The following ANKIB1 variants were observed in gnomAD, a reference collection of about 807,000 sequenced individuals.
ANKIB1 encodes the protein ankyrin repeat and IBR domain containing 1, also known as ankyrin repeat and IBR domain-containing protein 1.
A neutral mutation model predicts 122.1 loss-of-function variants in ANKIB1; 43 were observed. That is an observed-to-expected ratio of 0.35 (90% CI 0.28 to 0.45). The LOEUF (loss-of-function observed/expected upper bound fraction) is 0.45, where lower values mean the gene tolerates loss of function less well. ANKIB1 is among the 20% of genes least tolerant of loss of function. ANKIB1 has a pLI of 1.00. For synonymous variants in ANKIB1, 390 were observed against 442.0 expected (o/e 0.88, Z 1.48); for missense variants, 992 against 1,329.5 (o/e 0.75, Z 3.95).
At chr7:92,387,681 G>A (rs536201324) in intron 12 of ANKIB1, 117 bp from the exon 13 acceptor site, 42 of 660,828 alleles carry the variant, frequency 6.4e-5, no homozygotes, top group African/African-American at 5.8e-4. Context: ...AAAATAATTC[G>A]CAAATCTGAA....
chr7:92,303,534 C>T (rs1431604817), intron 2 of ANKIB1, among the ~76,000 whole-genome samples: 7 of 152,052 alleles, frequency 4.6e-5, no homozygotes, highest in Admixed American at 4.6e-4. Context: ...GATGGACTCT[C>T]TGAAAGAAGA....
At chr7:92,326,225 G>A (rs1476030560) in intron 4 of ANKIB1, among the ~76,000 whole-genome samples, 1 of 152,126 alleles carries the variant, frequency 6.6e-6, no homozygotes, top group Non-Finnish European at 1.5e-5. Context: ...TAAAAAACTG[G>A]ATCTATGCAG....
At chr7:92,276,097 G>A (rs1160203476) in intron 1 of ANKIB1, among the ~76,000 whole-genome samples, 2 of 152,094 alleles carry the variant, frequency 1.3e-5, no homozygotes, top group African/African-American at 4.8e-5. Context: ...CTTGTTAAAA[G>A]TTGGTCTCAT....
rs527791347 is a variant in ANKIB1, at chr7:92,350,576, G to A, written c.1086-374G>A. 2.0e-5 allele frequency among the ~76,000 whole-genome samples: 3 copies of A among 152,166 alleles called. No individual in the cohort carries two copies. The South Asian group carries it at 6.2e-4, about 32-fold the overall frequency. ...AAAAAGTTCAGCATAAAGGAAAATT[G>A]GCCAGACACAGTAGTTCACGCATAT... On this transcript the variant is annotated intron_variant, in intron 7 of 19. Coordinates refer to ENST00000265742, the MANE Select transcript of ANKIB1 (RefSeq NM_019004.2).
chr7:92,395,437 C>T (rs957503010), intron 17 of ANKIB1, among the ~76,000 whole-genome samples: 1 of 151,822 alleles, frequency 6.6e-6, no homozygotes, highest in African/African-American at 2.4e-5. Flanking sequence ...GTAGTAGTCC[C>T]AAAGAATAGA....
chr7:92,256,761 T>C (rs1189609167), intron 1 of ANKIB1, among the ~76,000 whole-genome samples: 1 of 152,196 alleles, frequency 6.6e-6, no homozygotes, highest in Non-Finnish European at 1.5e-5. Context: ...CCTTGTGACA[T>C]AAGATTAGAG....
At chr7:92,291,434 A>G (rs1295058542) in intron 1 of ANKIB1, among the ~76,000 whole-genome samples, 4 of 152,128 alleles carry the variant, frequency 2.6e-5, no homozygotes, top group African/African-American at 9.7e-5. Context: ...CCCTAAATAT[A>G]TACACCTACT....
At chr7:92,354,985 A>G (rs1348845492) in intron 9 of ANKIB1, among the ~76,000 whole-genome samples, 2 of 152,242 alleles carry the variant, frequency 1.3e-5, no homozygotes, top group Non-Finnish European at 2.9e-5. Context: ...TATATGACAG[A>G]AACAGTTGAG....
rs1323586096 is a variant in ANKIB1 at position 92,246,234 on chromosome 7, C to T, written c.-376C>T. 8.0e-6 allele frequency: 3 copies of T among 377,136 alleles called. No individual in the cohort carries two copies. The highest frequency in any genetic ancestry group is 1.8e-5 in the South Asian group (1 of 54,572). The allele number at this position is 377,136 out of a possible 1,614,324, so 23.4% of individuals were successfully genotyped here. A position where few individuals can be genotyped will look rare whatever the true frequency, so the allele number is the denominator to read the frequency against. On this transcript the variant is annotated 5_prime_UTR_variant, in exon 1 of 20. Transcript: ENST00000265742. Reference sequence around the variant, plus strand: ...TCTTCCCCTCCCCCGAGTGAGGCGGCGCAGCGGCCGGAGAGGGATGGGGGG... The same window carrying T: ...TCTTCCCCTCCCCCGAGTGAGGCGGTGCAGCGGCCGGAGAGGGATGGGGGG...
At chr7:92,341,871 T>C (rs1024140190) in intron 5 of ANKIB1, among the ~76,000 whole-genome samples, 2 of 152,204 alleles carry the variant, frequency 1.3e-5, no homozygotes, top group Admixed American at 6.5e-5. Flanking sequence ...TTTCAACTTA[T>C]CATATTTTCA....
In ANKIB1 at chr7:92,368,604, C is replaced by T. The variant is rs369573039; in HGVS notation, c.1487-2873C>T. Among the ~76,000 whole-genome samples, 48 of 151,974 alleles carry T rather than the reference C, an allele frequency of 3.2e-4. 1 individual carries two copies. Among genetic ancestry groups the T allele is most frequent in the African/African-American group, 9.9e-4 (41 of 41,454 alleles). ...GGTGTGGTGGCGGGCACCTGTAGTC[C>T]CAACTACTTGGGAGGTTGAGGCATG... On this transcript the variant is annotated intron_variant, in intron 10 of 19. Transcript: ENST00000265742.
intron 1 of ANKIB1, 28 bp downstream of exon 1, chr7:92,246,547 T>C (rs2131855210): frequency 1.9e-6 from 1 of 516,114 alleles, no homozygotes; most frequent in East Asian, 5.5e-5. Context: ...GGTACAGATG[T>C]GTTTGAGGCT....
In ANKIB1 at chr7:92,255,788, A is replaced by C. The variant is rs370593292; in HGVS notation, c.-91+9269A>C. Among the ~76,000 whole-genome samples the C allele has an allele frequency of 3.3e-5, 5 of 152,136 alleles. No homozygotes were observed. The East Asian group carries it at 9.6e-4, about 29-fold the overall frequency. On this transcript the variant is annotated intron_variant, in intron 1 of 19. Transcript: ENST00000265742. ...GGGCTGTCATGTTTTAAAGTTATTT[A>C]TACGCAAACGGAAATAAACATGATT...
At position 92,398,692 on chromosome 7, in the gene ANKIB1, A is replaced by G; in HGVS notation, c.3013A>G (p.Lys1005Glu). 1.9e-6 allele frequency: 3 copies of G among 1,613,892 alleles called. No individual in the cohort carries two copies. Among genetic ancestry groups the G allele is most frequent in the Non-Finnish European group, 2.5e-6 (3 of 1,179,828 alleles). The stretch of plus-strand genomic sequence containing the variant: ...TGCAGATTCCCAGCTCCCCTGTATC[A>G]AAGATGGGTCAGAAGGTGTGAAGGA... The part of the protein sequence containing the change: ...ISADSQLPCI[K>E]DGSEGVKDVE... Residue 1005 changes from lysine (K) to glutamate (E), a missense_variant, in exon 20 of 20, where the codon AAA becomes GAA. Transcript: ENST00000265742.
intron 9 of ANKIB1, 69 bp downstream of exon 9, chr7:92,352,711 C>T (rs1585121744): frequency 6.8e-7 from 1 of 1,474,254 alleles, no homozygotes; most frequent in Admixed American, 2.4e-5. Context: ...GACTTTGCAC[C>T]TTGAGTCAGG....
rs200918383 is a variant in ANKIB1, at chr7:92,338,972, T to A, written c.788-4052T>A. Among the ~76,000 whole-genome samples, 495 of 82,864 alleles carry A rather than the reference T, an allele frequency of 6.0e-3. 8 individuals carry two copies. The highest frequency in any genetic ancestry group is 0.026 in the East Asian group (39 of 1,478). 54.4% of individuals were successfully genotyped at this position (82,864 alleles called of 152,430 possible). On this transcript the variant is annotated intron_variant, in intron 5 of 19. Coordinates refer to ENST00000265742, the MANE Select transcript of ANKIB1 (RefSeq NM_019004.2). The stretch of plus-strand genomic sequence containing the variant: ...TATATATATATATATATATATATAT[T>A]TATATGAATCTTCCTTTTTTCTTTA...
intron 5 of ANKIB1, among the ~76,000 whole-genome samples, chr7:92,340,818 G>A (rs959719939): frequency 6.6e-6 from 1 of 152,160 alleles, no homozygotes; most frequent in African/African-American, 2.4e-5. Flanking sequence ...GAAAAGATAT[G>A]GATAGGTAAT....
chr7:92,255,340 A>G (rs1801414388), intron 1 of ANKIB1, among the ~76,000 whole-genome samples: 1 of 152,252 alleles, frequency 6.6e-6, no homozygotes, highest in African/African-American at 2.4e-5. Flanking sequence ...AAAAAGGGTC[A>G]TATAAATAAA....
At chr7:92,345,146 T>A in intron 7 of ANKIB1, 80 bp downstream of exon 7, 1 of 1,019,692 alleles carries the variant, frequency 9.8e-7, no homozygotes, top group Non-Finnish European at 1.5e-6. Flanking sequence ...CTTTCAGTAT[T>A]TAATGATGCA....
Sources: allele counts gnomAD v4.1 joint callset (sites outside exome capture counted in the v4.1 genomes callset), GRCh38; gene constraint gnomAD v4.1.1; transcripts MANE v1.5; gene names NCBI Gene and HGNC (gene_info 2026-07-23, HGNC 2026-07-21).